The following GRID1 variants were observed in gnomAD, a reference collection of about 807,000 sequenced individuals.
GRID1 encodes glutamate receptor ionotropic, delta-1.
Under a neutral mutation model 98.0 loss-of-function variants are expected in GRID1, and 28 were observed. That is an observed-to-expected ratio of 0.29 (90% confidence interval 0.21 to 0.39). The LOEUF is 0.39. Among genes scored for constraint, GRID1 ranks in the 10% least tolerant of loss-of-function variants. GRID1 has a pLI of 1.00. For missense variants in GRID1, 1,111 were observed against 1,340.5 expected (o/e 0.83, Z 2.67); for synonymous variants, 553 against 538.5 (o/e 1.03, Z -0.37).
chr10:86,118,233 T>C (rs1844614231), intron 4 of GRID1, among the ~76,000 whole-genome samples: 1 of 152,156 alleles, frequency 6.6e-6, no homozygotes, highest in East Asian at 1.9e-4. Context: ...AACTTAGGAA[T>C]GAAAAATCAA....
chr10:86,333,944 A>T (rs1289904679), intron 2 of GRID1, among the ~76,000 whole-genome samples: 1 of 152,172 alleles, frequency 6.6e-6, no homozygotes, highest in South Asian at 2.1e-4. Flanking sequence ...TTAAGGGTCA[A>T]CTGCATAGCT....
At chr10:86,084,473 C>G (rs559795462) in intron 4 of GRID1, among the ~76,000 whole-genome samples, 1 of 152,102 alleles carries the variant, frequency 6.6e-6, no homozygotes, top group Non-Finnish European at 1.5e-5. Flanking sequence ...GAAAACAGTA[C>G]GGCAATTCCT....
intron 4 of GRID1, among the ~76,000 whole-genome samples, chr10:85,939,659 A>G (rs1841972956): frequency 6.6e-6 from 1 of 152,232 alleles, no homozygotes; most frequent in Non-Finnish European, 1.5e-5. Context: ...GCCCACCTGG[A>G]TAACCCAAAT....
intron 2 of GRID1, among the ~76,000 whole-genome samples, chr10:86,254,654 G>A (rs943823264): frequency 6.6e-6 from 1 of 152,212 alleles, no homozygotes; most frequent in African/African-American, 2.4e-5. Flanking sequence ...GCCACACCCT[G>A]GCCCTGTGTG....
chr10:85,706,734 A>G (rs1375530080), intron 12 of GRID1, among the ~76,000 whole-genome samples: 1 of 152,224 alleles, frequency 6.6e-6, no homozygotes, highest in African/African-American at 2.4e-5. Context: ...ACAGTCACCA[A>G]AACAGCATGG....
At chr10:86,124,839 G>T (rs1255285849) in intron 4 of GRID1, among the ~76,000 whole-genome samples, 1 of 152,180 alleles carries the variant, frequency 6.6e-6, no homozygotes, top group African/African-American at 2.4e-5. Context: ...ACTGGACAGA[G>T]CCAGGGCGGG....
rs1269329271 is a variant in GRID1 at position 86,104,573 on chromosome 10, C to G, written c.726+34246G>C. 2.6e-5 allele frequency among the ~76,000 whole-genome samples: 4 copies of G among 152,344 alleles called. No individual in the cohort carries two copies. In the East Asian group the frequency reaches 5.8e-4, roughly 22 times the overall value. ...CAGGCAGCATGACACAAAGGGAGCA[C>G]CAGCTCCTCTGCGGCCAGAGAACAT... On this transcript the variant is annotated intron_variant, in intron 4 of 15. Transcript: ENST00000327946.
chr10:85,897,470 A>G (rs1000653834), intron 5 of GRID1, among the ~76,000 whole-genome samples: 2 of 152,198 alleles, frequency 1.3e-5, no homozygotes, highest in Admixed American at 1.3e-4. Flanking sequence ...CCCATCCCCA[A>G]TACACTGGCC....
At chr10:85,769,532 C>T (rs1028907418) in intron 8 of GRID1, among the ~76,000 whole-genome samples, 2 of 152,204 alleles carry the variant, frequency 1.3e-5, no homozygotes, top group Non-Finnish European at 2.9e-5. Flanking sequence ...CATTGCCTCA[C>T]TCGGAAGTGC....
intron 8 of GRID1, among the ~76,000 whole-genome samples, chr10:85,836,611 T>C (rs1377657473): frequency 6.6e-6 from 1 of 152,186 alleles, no homozygotes; most frequent in Non-Finnish European, 1.5e-5. Flanking sequence ...AGCAGCCAGC[T>C]GATGTAGAGT....
At chr10:86,146,926 G>A (rs539334765) in intron 3 of GRID1, among the ~76,000 whole-genome samples, 11 of 152,312 alleles carry the variant, frequency 7.2e-5, no homozygotes, top group African/African-American at 1.9e-4. Context: ...GGAAGTCAGC[G>A]GGGCACCAAG....
intron 2 of GRID1, among the ~76,000 whole-genome samples, chr10:86,207,044 A>G (rs1242073142): frequency 6.6e-6 from 1 of 152,194 alleles, no homozygotes; most frequent in Non-Finnish European, 1.5e-5. Context: ...CCAAAACGTC[A>G]TTGTGTTGAT....
chr10:85,616,831 T>A (rs1034942420), intron 14 of GRID1, among the ~76,000 whole-genome samples: 6 of 152,192 alleles, frequency 3.9e-5, no homozygotes, highest in African/African-American at 1.4e-4. Context: ...ACAGATATAA[T>A]TGCAGGTGCT....
In GRID1 at chr10:85,647,311, C is replaced by T. The variant is rs1226587019; in HGVS notation, c.2084G>A (p.Gly695Asp). Residue 695 changes from glycine (G) to aspartate (D), a missense_variant, in exon 13 of 16, where the codon GGC (glycine) becomes GAC (aspartate). Around this residue, in one of 3 missense-constraint regions of GRID1, gnomAD observed 762 missense variants for 869.1 expected, o/e 0.88. Coordinates refer to ENST00000327946, the MANE Select transcript of GRID1 (RefSeq NM_017551.3). ...GCTGTCCTGCTCCAGGGGGTTGGTG[C>T]CCTTGGCTCGGAAGTACTCATATAC... ...SAVYEYFRAK[G>D]TNPLEQDSTF... is the part of the protein sequence containing the mutation. 8 of 1,614,174 alleles carry T rather than the reference C, an allele frequency of 5.0e-6. No individual in the cohort carries two copies. Among genetic ancestry groups the T allele is most frequent in the Non-Finnish European group, 6.8e-6 (8 of 1,179,992 alleles).
chr10:85,946,148 T>G (rs1842051194), intron 4 of GRID1, among the ~76,000 whole-genome samples: 1 of 152,220 alleles, frequency 6.6e-6, no homozygotes, highest in East Asian at 1.9e-4. Context: ...TTAAGCACTT[T>G]GCCAAAAGAT....
intron 4 of GRID1, among the ~76,000 whole-genome samples, chr10:86,070,154 C>A (rs934207505): frequency 2.6e-5 from 4 of 152,194 alleles, no homozygotes; most frequent in African/African-American, 9.7e-5. Flanking sequence ...TGCTTACCTC[C>A]CCATTGGCCT....
At chr10:86,255,652 A>G (rs1846906189) in intron 2 of GRID1, among the ~76,000 whole-genome samples, 1 of 152,176 alleles carries the variant, frequency 6.6e-6, no homozygotes, top group South Asian at 2.1e-4. Context: ...TCATCACCTC[A>G]GAGAGGACGT....
intron 12 of GRID1, chr10:85,649,943 C>A (rs11201714): frequency 0.069 from 10,573 of 152,402 alleles, 496 homozygotes; most frequent in African/African-American, 0.13. Flanking sequence ...AGAGGAATCT[C>A]TCCCATCTCA....
chr10:85,740,749 C>T (rs933656634), intron 8 of GRID1, among the ~76,000 whole-genome samples: 3 of 122,322 alleles, frequency 2.5e-5, no homozygotes, highest in African/African-American at 3.7e-5. Context: ...TTCACAAATA[C>T]ACTGTACTTT....
Sources: gnomAD v4.1 joint callset for allele counts (sites outside exome capture counted in the v4.1 genomes callset) on GRCh38, gnomAD v4.1.1 for gene constraint, gnomAD v4.1.1 regional missense constraint, MANE v1.5 for transcripts, NCBI Gene and HGNC (gene_info 2026-07-23, HGNC 2026-07-21) for gene names.